The following CDKN2B-AS1 variants were observed in gnomAD, a reference collection of about 807,000 sequenced individuals.
CDKN2B-AS1 encodes CDKN2B antisense RNA 1 (non-protein coding).
intron 4 of CDKN2B-AS1, among the ~76,000 whole-genome samples, chr9:22,098,153 G>GTC (rs1348788124): frequency 2.2e-5 from 3 of 134,752 alleles, no homozygotes; most frequent in East Asian, 2.1e-4. Flanking sequence ...TTCTCTCTCT[G>GTC]TCTCTGTGTG....
At chr9:22,088,050 G>A (rs1290794056) in intron 4 of CDKN2B-AS1, among the ~76,000 whole-genome samples, 1 of 152,154 alleles carries the variant, frequency 6.6e-6, no homozygotes, top group Non-Finnish European at 1.5e-5. Flanking sequence ...TAAAAGAAAG[G>A]AGGATATCTG....
At chr9:22,079,014 G>A (rs1824597198) in intron 4 of CDKN2B-AS1, among the ~76,000 whole-genome samples, 1 of 152,108 alleles carries the variant, frequency 6.6e-6, no homozygotes, top group Admixed American at 6.5e-5. Flanking sequence ...CAGAGAGATG[G>A]GGACAAGTCG....
In CDKN2B-AS1 at chr9:22,006,056, G is replaced by A. The variant is rs977430056; in HGVS notation, n.29+10895G>A. 1.9e-6 allele frequency: 3 copies of A among 1,605,580 alleles called. No individual in the cohort carries two copies. Among genetic ancestry groups the A allele is most frequent in the African/African-American group, 1.3e-5 (1 of 74,942 alleles). Reference sequence around the variant, plus strand: ...GGCCCCGCTCCTCGGCCAAGTCCACGGGCAGACGACCCCAGGCATCGCGCA... The same window carrying A: ...GGCCCCGCTCCTCGGCCAAGTCCACAGGCAGACGACCCCAGGCATCGCGCA... On this transcript the variant is annotated intron_variant and non_coding_transcript_variant, in intron 1 of 4. Transcript: ENST00000650946. The surrounding 1 kb of genome is among the most constrained non-coding windows in gnomAD (Gnocchi z 6.4).
intron 4 of CDKN2B-AS1, among the ~76,000 whole-genome samples, chr9:22,112,875 CT>C (rs1825837758): frequency 6.6e-6 from 1 of 151,976 alleles, no homozygotes; most frequent in South Asian, 2.1e-4. Context: ...GAGGTAAGGC[CT>C]AAAATAAATT....
chr9:22,020,061 C>T (rs1271681958), intron 1 of CDKN2B-AS1, among the ~76,000 whole-genome samples: 1 of 152,112 alleles, frequency 6.6e-6, no homozygotes, highest in Non-Finnish European at 1.5e-5. Flanking sequence ...GTGTGTTGTT[C>T]CCCTCTGTGT....
intron 4 of CDKN2B-AS1, among the ~76,000 whole-genome samples, chr9:22,090,363 A>C (rs565219770): frequency 8.5e-5 from 13 of 152,326 alleles, no homozygotes; most frequent in Admixed American, 4.6e-4. Flanking sequence ...TGGCTGGGTC[A>C]AATGGTATTT....
intron 4 of CDKN2B-AS1, among the ~76,000 whole-genome samples, chr9:22,106,916 G>A (rs903458867): frequency 1.3e-5 from 2 of 152,156 alleles, no homozygotes; most frequent in African/African-American, 4.8e-5. Context: ...AGATCAAACA[G>A]GTTAAGAAAC....
intron 4 of CDKN2B-AS1, among the ~76,000 whole-genome samples, chr9:22,110,838 G>T (rs114920184): frequency 2.0e-5 from 3 of 151,924 alleles, no homozygotes; most frequent in African/African-American, 2.4e-5. Context: ...ACATTAACTT[G>T]TTTTCTTTAG....
chr9:22,110,394 A>C (rs1035466415), intron 4 of CDKN2B-AS1, among the ~76,000 whole-genome samples: 6 of 152,178 alleles, frequency 3.9e-5, no homozygotes, highest in Non-Finnish European at 7.4e-5. Context: ...TTCTAATAGG[A>C]CTGTGGATTT....
At chr9:22,021,820 A>G (rs7018665) in intron 1 of CDKN2B-AS1, among the ~76,000 whole-genome samples, 4 of 152,094 alleles carry the variant, frequency 2.6e-5, no homozygotes, top group African/African-American at 9.7e-5. Flanking sequence ...AGAATATTCA[A>G]TACTATGTTG....
chr9:22,106,377 G>A (rs1038117532), intron 4 of CDKN2B-AS1, among the ~76,000 whole-genome samples: 7 of 152,038 alleles, frequency 4.6e-5, no homozygotes, highest in African/African-American at 1.2e-4. Flanking sequence ...CACTGTGCCC[G>A]GCCTAATTTT....
At chr9:22,077,705 A>G (rs1042748712) in intron 4 of CDKN2B-AS1, 1 of 152,226 alleles carries the variant, frequency 6.6e-6, no homozygotes, top group Non-Finnish European at 1.5e-5. Context: ...GGAATTTCCT[A>G]CGAAGCTGGG....
chr9:22,089,529 C>T (rs978565308), intron 4 of CDKN2B-AS1, among the ~76,000 whole-genome samples: 8 of 152,156 alleles, frequency 5.3e-5, no homozygotes, highest in African/African-American at 1.9e-4. Flanking sequence ...TACCCAGATT[C>T]AAGTGATCTT....
intron 4 of CDKN2B-AS1, among the ~76,000 whole-genome samples, chr9:22,102,709 T>C (rs1263134989): frequency 6.6e-6 from 1 of 152,182 alleles, no homozygotes; most frequent in East Asian, 1.9e-4. Flanking sequence ...TTTGCAAATA[T>C]GAACATTCTA....
rs910106772 is a variant in CDKN2B-AS1 at position 22,093,670 on chromosome 9, G to A, written n.439-33433G>A. 2.1e-5 allele frequency among the ~76,000 whole-genome samples: 3 copies of A among 141,476 alleles called. 1 individual carries two copies. Among genetic ancestry groups the A allele is most frequent in the African/African-American group, 9.1e-5 (3 of 32,802 alleles). 92.8% of individuals were successfully genotyped at this position (141,476 alleles called of 152,430 possible). ...GCCTTTTTTTGTTTTCCATTTGCTT[G>A]GTAGATCTTCCTCCATCCCTTTATT... On this transcript the variant is annotated intron_variant and non_coding_transcript_variant, in intron 4 of 4. Coordinates refer to ENST00000650946, the Ensembl canonical transcript of CDKN2B-AS1.
At chr9:22,126,713 C>T (rs1285881552) in intron 4 of CDKN2B-AS1, among the ~76,000 whole-genome samples, 1 of 151,414 alleles carries the variant, frequency 6.6e-6, no homozygotes, top group Non-Finnish European at 1.5e-5. Flanking sequence ...GCTGGGACTA[C>T]AGGCGCCCGC....
chr9:22,019,490 A>G (rs1470172330), intron 1 of CDKN2B-AS1, among the ~76,000 whole-genome samples: 1 of 152,200 alleles, frequency 6.6e-6, no homozygotes, highest in Non-Finnish European at 1.5e-5. Context: ...GGTGTTAGGC[A>G]GGTTTTTACA....
At chr9:22,017,717 T>A (rs1821832820) in intron 1 of CDKN2B-AS1, among the ~76,000 whole-genome samples, 1 of 152,248 alleles carries the variant, frequency 6.6e-6, no homozygotes, top group Non-Finnish European at 1.5e-5. Flanking sequence ...GTTAATGAAT[T>A]CTGCCAAGGT....
At chr9:22,044,057 T>C (rs963532037) in intron 1 of CDKN2B-AS1, among the ~76,000 whole-genome samples, 1 of 151,984 alleles carries the variant, frequency 6.6e-6, no homozygotes, top group African/African-American at 2.4e-5. Context: ...ATTTTAGCCA[T>C]GAGTATCAGA....
Sources: gnomAD v4.1 joint callset for allele counts (sites outside exome capture counted in the v4.1 genomes callset) on GRCh38, gnomAD v4.1.1 for gene constraint, Gnocchi (gnomAD v3.1) non-coding constraint, MANE v1.5 for transcripts, NCBI Gene and HGNC (gene_info 2026-07-23, HGNC 2026-07-21) for gene names.